Variants in CNTLN observed in about 807,000 individuals in gnomAD.
CNTLN encodes centlein, also known as centlein, centrosomal protein.
Under a neutral mutation model 180.0 loss-of-function variants are expected in CNTLN, and 212 were observed. The observed-to-expected ratio is 1.18, with a 90% confidence interval of 1.05 to 1.32. CNTLN has a LOEUF of 1.32. Ranked by LOEUF, CNTLN falls within the 40% of genes most tolerant of loss-of-function variation. The probability of loss-of-function intolerance (pLI) is 0.00; values close to 1 mark genes in which losing one functional copy is unlikely to be tolerated. For missense variants in CNTLN, 2,095 were observed against 1,610.9 expected (o/e 1.30, Z -5.14); for synonymous variants, 722 against 563.1 (o/e 1.28, Z -3.99).
At chr9:17,361,145 T>C (rs1189027293) in intron 12 of CNTLN, among the ~76,000 whole-genome samples, 1 of 152,208 alleles carries the variant, frequency 6.6e-6, no homozygotes, top group African/African-American at 2.4e-5. Context: ...TGTGCCATGT[T>C]GGTGTGCTGC....
intron 18 of CNTLN, among the ~76,000 whole-genome samples, chr9:17,428,946 T>C (rs1352973671): frequency 2.0e-5 from 3 of 151,974 alleles, no homozygotes; most frequent in Non-Finnish European, 4.4e-5. Flanking sequence ...ATTAATTTAT[T>C]CCAGCTCATT....
chr9:17,361,336 T>A (rs1282901068), intron 12 of CNTLN, among the ~76,000 whole-genome samples: 1 of 152,186 alleles, frequency 6.6e-6, no homozygotes, highest in Non-Finnish European at 1.5e-5. Flanking sequence ...GAGGCTTGTT[T>A]ATCTCTACTC....
chr9:17,370,085 A>G (rs1824184199), intron 13 of CNTLN, among the ~76,000 whole-genome samples: 2 of 152,182 alleles, frequency 1.3e-5, no homozygotes. Context: ...GGGAAAATGT[A>G]GGAGTTATTG....
the CNTLN span, among the ~76,000 whole-genome samples, chr9:17,522,637 G>T: frequency 6.6e-6 from 1 of 151,894 alleles, no homozygotes; most frequent in Non-Finnish European, 1.5e-5. Flanking sequence ...AGCAGACTTG[G>T]CTGGCACACA....
chr9:17,485,425 T>G (rs1832843609), intron 24 of CNTLN, among the ~76,000 whole-genome samples: 1 of 152,112 alleles, frequency 6.6e-6, no homozygotes, highest in Non-Finnish European at 1.5e-5. Flanking sequence ...GTGGGTGAAT[T>G]CCCAGTTTCT....
intron 2 of CNTLN, chr9:17,167,236 A>G (rs193264288): frequency 6.7e-5 from 11 of 163,720 alleles, no homozygotes; most frequent in Non-Finnish European, 1.3e-4. Flanking sequence ...CAGGATTCCA[A>G]ATGTGATGCC....
intron 3 of CNTLN, among the ~76,000 whole-genome samples, chr9:17,235,185 C>T (rs1246016720): frequency 6.6e-6 from 1 of 152,154 alleles, no homozygotes; most frequent in Non-Finnish European, 1.5e-5. Context: ...AATATTCTGT[C>T]TACAGAGCAA....
At chr9:17,177,885 T>G (rs1029573778) in intron 2 of CNTLN, among the ~76,000 whole-genome samples, 1 of 152,114 alleles carries the variant, frequency 6.6e-6, no homozygotes, top group African/African-American at 2.4e-5. Flanking sequence ...CAGGCAGCGG[T>G]GCTTTTATTC....
chr9:17,428,766 T>C (rs964448734), intron 18 of CNTLN, among the ~76,000 whole-genome samples: 6 of 152,024 alleles, frequency 3.9e-5, no homozygotes, highest in Admixed American at 1.3e-4. Flanking sequence ...CCTTCTTTAC[T>C]ATGCAATGTT....
At chr9:17,343,782 C>A (rs1821666776) in intron 12 of CNTLN, among the ~76,000 whole-genome samples, 2 of 152,198 alleles carry the variant, frequency 1.3e-5, no homozygotes, top group South Asian at 2.1e-4. Flanking sequence ...ACAGTTTTAT[C>A]ACCCCCCGCT....
intron 3 of CNTLN, among the ~76,000 whole-genome samples, chr9:17,228,124 AAT>A (rs1431526324): frequency 2.6e-5 from 4 of 152,082 alleles, no homozygotes; most frequent in Non-Finnish European, 5.9e-5. Context: ...GAAAATCTTT[AAT>A]ATCCTTAGGC....
chr9:17,330,936 G>A, intron 9 of CNTLN, 128 bp downstream of exon 9: 1 of 773,740 alleles, frequency 1.3e-6, no homozygotes, highest in Non-Finnish European at 2.0e-6. Context: ...AAAATATTAT[G>A]TACCGAACTC....
intron 13 of CNTLN, among the ~76,000 whole-genome samples, chr9:17,373,344 A>G (rs930195882): frequency 6.6e-6 from 1 of 152,176 alleles, no homozygotes; most frequent in Admixed American, 6.5e-5. Context: ...AAACAATCTG[A>G]AAAAGAAATC....
chr9:17,377,904 A>G (rs1344841212), intron 13 of CNTLN, among the ~76,000 whole-genome samples: 2 of 152,202 alleles, frequency 1.3e-5, no homozygotes, highest in African/African-American at 2.4e-5. Context: ...TGTCAATATA[A>G]TTTGTTCTAG....
At chr9:17,382,033 C>G (rs1297986976) in intron 13 of CNTLN, among the ~76,000 whole-genome samples, 1 of 152,102 alleles carries the variant, frequency 6.6e-6, no homozygotes, top group East Asian at 1.9e-4. Flanking sequence ...ATGAAGGTAT[C>G]CATGAAAGGA....
At chr9:17,207,089 C>T (rs1196350217) in intron 2 of CNTLN, among the ~76,000 whole-genome samples, 1 of 152,142 alleles carries the variant, frequency 6.6e-6, no homozygotes, top group Non-Finnish European at 1.5e-5. Flanking sequence ...ACTCTGGAGC[C>T]CAGGCTGTTG....
At chr9:17,440,629 A>T (rs865821202) in intron 18 of CNTLN, among the ~76,000 whole-genome samples, 1 of 151,988 alleles carries the variant, frequency 6.6e-6, no homozygotes, top group South Asian at 2.1e-4. Flanking sequence ...TTCACATAAA[A>T]AACTTGTACA....
chr9:17,140,813 TA>T (rs1316802151), intron 1 of CNTLN, among the ~76,000 whole-genome samples: 2 of 152,160 alleles, frequency 1.3e-5, no homozygotes, highest in Non-Finnish European at 2.9e-5. Context: ...ATGCCATAAA[TA>T]TATGCAATTT....
At chr9:17,142,925 G>A (rs1818206364) in intron 1 of CNTLN, among the ~76,000 whole-genome samples, 1 of 152,138 alleles carries the variant, frequency 6.6e-6, no homozygotes, top group Non-Finnish European at 1.5e-5. Flanking sequence ...TAGAGTGAAT[G>A]GGAGATAGGA....
Sources: allele counts gnomAD v4.1 joint callset (sites outside exome capture counted in the v4.1 genomes callset), GRCh38; gene constraint gnomAD v4.1.1; transcripts MANE v1.5; gene names NCBI Gene and HGNC (gene_info 2026-07-23, HGNC 2026-07-21).